The following SLC38A12 variants were observed in gnomAD, a reference collection of about 807,000 sequenced individuals.
SLC38A12 encodes putative sodium-coupled neutral amino acid transporter 12.
chr17:74,794,749 A>G, the SLC38A12 span, among the ~76,000 whole-genome samples: 2 of 151,710 alleles, frequency 1.3e-5, no homozygotes, highest in African/African-American at 2.4e-5. Flanking sequence ...TGGCTTCAAA[A>G]TCTCTCTGAT....
chr17:74,777,215 C>T, the SLC38A12 span: 1 of 1,219,714 alleles, frequency 8.2e-7, no homozygotes, highest in Non-Finnish European at 1.2e-6. Context: ...CCTCCTCCCA[C>T]CCCTGTCTCA....
the SLC38A12 span, among the ~76,000 whole-genome samples, chr17:74,826,603 C>G: frequency 6.6e-6 from 1 of 152,182 alleles, no homozygotes; most frequent in East Asian, 1.9e-4. Context: ...GAAAACCAGA[C>G]CCAGGGCCAA....
the SLC38A12 span, among the ~76,000 whole-genome samples, chr17:74,834,848 G>A: frequency 1.3e-5 from 2 of 152,220 alleles, no homozygotes; most frequent in African/African-American, 2.4e-5. Flanking sequence ...GAACAGACAC[G>A]GACACTGGTG....
At chr17:74,837,630 T>C in the SLC38A12 span, 1 of 985,346 alleles carries the variant, frequency 1.0e-6, no homozygotes, top group African/African-American at 1.7e-5. Context: ...GCGGCTCCCT[T>C]AGGGGCTGAG....
chr17:74,794,771 C>G, the SLC38A12 span, among the ~76,000 whole-genome samples: 1 of 152,078 alleles, frequency 6.6e-6, no homozygotes, highest in Non-Finnish European at 1.5e-5. Flanking sequence ...CTCCCAGCCT[C>G]GTTGAGTCCT....
chr17:74,779,757 C>T, the SLC38A12 span, among the ~76,000 whole-genome samples: 214 of 152,336 alleles, frequency 1.4e-3, 1 homozygote, highest in Middle Eastern at 6.8e-3. Context: ...TCAGCCCACG[C>T]GCATTTACAA....
At chr17:74,811,076 T>A in the SLC38A12 span, among the ~76,000 whole-genome samples, 1 of 152,252 alleles carries the variant, frequency 6.6e-6, no homozygotes, top group Admixed American at 6.5e-5. Flanking sequence ...ACGCCTGGAA[T>A]CCTAGCACTT....
chr17:74,781,420 G>A, the SLC38A12 span, among the ~76,000 whole-genome samples: 1 of 152,024 alleles, frequency 6.6e-6, no homozygotes, highest in Admixed American at 6.6e-5. Context: ...AAGTAGCTGG[G>A]ACTACAGGCA....
the SLC38A12 span, chr17:74,785,613 A>G: frequency 1.2e-6 from 2 of 1,612,172 alleles, no homozygotes; most frequent in Non-Finnish European, 1.7e-6. Context: ...GGTGAGAGGC[A>G]GCGGGGACTT....
chr17:74,806,948 A>G, the SLC38A12 span, among the ~76,000 whole-genome samples: 1 of 152,180 alleles, frequency 6.6e-6, no homozygotes, highest in African/African-American at 2.4e-5. Flanking sequence ...CCCCAGGGTC[A>G]TGAAGGTTTT....
At chr17:74,838,014 G>A in the SLC38A12 span, 21 of 985,832 alleles carry the variant, frequency 2.1e-5, no homozygotes, top group Non-Finnish European at 2.4e-5. Context: ...GTATCTCAGC[G>A]TCTTCAGACC....
the SLC38A12 span, among the ~76,000 whole-genome samples, chr17:74,796,567 C>T: frequency 2.0e-5 from 3 of 152,230 alleles, no homozygotes; most frequent in African/African-American, 7.2e-5. Flanking sequence ...TCTTGCCCTC[C>T]TAGTCCCACT....
At chr17:74,833,803 A>G in the SLC38A12 span, among the ~76,000 whole-genome samples, 1 of 152,190 alleles carries the variant, frequency 6.6e-6, no homozygotes, top group Non-Finnish European at 1.5e-5. Context: ...GTACCTCGAG[A>G]TGGCAGTGGC....
At chr17:74,819,790 A>G in the SLC38A12 span, 1 of 1,614,204 alleles carries the variant, frequency 6.2e-7, no homozygotes, top group Non-Finnish European at 8.5e-7. Context: ...ACCTTCTTTG[A>G]CGTCCAGAAG....
chr17:74,807,492 A>G, the SLC38A12 span, among the ~76,000 whole-genome samples: 5 of 152,208 alleles, frequency 3.3e-5, no homozygotes, highest in Non-Finnish European at 5.9e-5. Flanking sequence ...TGATGGCCAG[A>G]GCCCACCACA....
At chr17:74,790,628 G>T in the SLC38A12 span, among the ~76,000 whole-genome samples, 1 of 152,002 alleles carries the variant, frequency 6.6e-6, no homozygotes, top group African/African-American at 2.4e-5. Flanking sequence ...AGTAGATGTC[G>T]TTCTGTGGCA....
the SLC38A12 span, chr17:74,838,961 T>C: frequency 6.5e-7 from 1 of 1,535,658 alleles, no homozygotes; most frequent in Non-Finnish European, 8.7e-7. Flanking sequence ...CAGGTGTCGT[T>C]GTGGAGGAAA....
chr17:74,795,464 T>C, the SLC38A12 span: 5 of 1,489,710 alleles, frequency 3.4e-6, no homozygotes, highest in Non-Finnish European at 4.6e-6. Context: ...GGCTTCTGTC[T>C]CCCCCAGCCC....
chr17:74,824,646 C>G, the SLC38A12 span, among the ~76,000 whole-genome samples: 1 of 152,186 alleles, frequency 6.6e-6, no homozygotes, highest in Non-Finnish European at 1.5e-5. Context: ...CAGCCCTCCT[C>G]GGGCCTGGGC....
Sources: allele counts gnomAD v4.1 joint callset (sites outside exome capture counted in the v4.1 genomes callset), GRCh38; gene constraint gnomAD v4.1.1; transcripts MANE v1.5; gene names NCBI Gene and HGNC (gene_info 2026-07-23, HGNC 2026-07-21).